Variants in PHLDB2 observed in about 807,000 individuals in gnomAD.
PHLDB2 encodes the protein pleckstrin homology-like domain family B member 2.
Under a neutral mutation model 123.6 loss-of-function variants are expected in PHLDB2, and 71 were observed. The observed-to-expected ratio is 0.57, with a 90% CI of 0.47 to 0.70. PHLDB2 has a LOEUF of 0.70. PHLDB2 is among the 30% of genes least tolerant of loss of function. The probability of loss-of-function intolerance (pLI) is 0.00; values close to 1 mark genes in which losing one functional copy is unlikely to be tolerated. For missense variants in PHLDB2, 1,446 were observed against 1,519.5 expected, an observed-to-expected ratio of 0.95 and a Z score of 0.80; for synonymous variants, 547 against 541.6, an observed-to-expected ratio of 1.01 and a Z score of -0.14.
intron 12 of PHLDB2, chr3:111,960,100 T>C: frequency 1.4e-6 from 1 of 698,080 alleles, no homozygotes; most frequent in Non-Finnish European, 1.8e-6. Flanking sequence ...ATTTCTGTTG[T>C]TTTTTTGTCA....
In PHLDB2 at chr3:111,884,518, C is replaced by G. The variant is rs115073877; in HGVS notation, c.441C>G (p.Pro147=). 5.6e-4 allele frequency: 910 copies of G among 1,614,182 alleles called. 8 individuals are homozygous for G. In the African/African-American group the frequency reaches 0.01, roughly 18 times the overall value. The stretch of plus-strand genomic sequence containing the variant: ...CCTTGAGGCTCTCAGAGAAGCCTCC[C>G]TATTCCAAATATAGCTCAAGGCATA... ...ERALRLSEKP[P]YSKYSSRHKS... Residue 147 remains proline (P), a synonymous_variant, in exon 2 of 18, where the codon CCC becomes CCG. Transcript: ENST00000431670.
chr3:111,746,883 C>G (rs1053530232), intron 1 of PHLDB2, among the ~76,000 whole-genome samples: 1 of 152,052 alleles, frequency 6.6e-6, no homozygotes, highest in African/African-American at 2.4e-5. Context: ...AAAAAAGTAA[C>G]CTACAAGAAG....
intron 1 of PHLDB2, among the ~76,000 whole-genome samples, chr3:111,823,734 C>A (rs2062516694): frequency 6.6e-6 from 1 of 152,118 alleles, no homozygotes; most frequent in African/African-American, 2.4e-5. Flanking sequence ...ATAACTTGGT[C>A]ATTATATAAT....
At chr3:111,775,435 G>A (rs2060252029) in intron 1 of PHLDB2, among the ~76,000 whole-genome samples, 1 of 152,154 alleles carries the variant, frequency 6.6e-6, no homozygotes, top group Non-Finnish European at 1.5e-5. Flanking sequence ...AAGAGTGGGA[G>A]GATGCAGAGC....
In PHLDB2 at chr3:111,885,164, A is replaced by G. The variant is rs1559885736; in HGVS notation, c.1087A>G (p.Asn363Asp). ...DFDQASYVGT[N>D]PSHSLLAGES... ...TGATCAGGCTTCATATGTGGGGACA[A>G]ACCCGAGTCATTCACTTCTTGCTGG... is the stretch of plus-strand genomic sequence containing the variant. The change falls in exon 2 of 18, where the codon AAC becomes GAC. Residue 363 changes from asparagine to aspartate, a missense_variant. Asn to Asp is a conservative substitution (Grantham distance 23, BLOSUM62 1). Transcript: ENST00000431670. The G allele has an allele frequency of 6.2e-7, 1 of 1,614,118 alleles. No homozygotes were observed. Among genetic ancestry groups the G allele is most frequent in the Non-Finnish European group, 8.5e-7 (1 of 1,180,016 alleles).
intron 1 of PHLDB2, chr3:111,779,836 C>T (rs1162815446): frequency 2.0e-6 from 2 of 983,412 alleles, no homozygotes; most frequent in Admixed American, 6.2e-5. Context: ...CTACACAGGT[C>T]TCTGGCCATC....
intron 1 of PHLDB2, among the ~76,000 whole-genome samples, chr3:111,770,491 C>T (rs1313337893): frequency 6.6e-6 from 1 of 152,288 alleles, no homozygotes; most frequent in African/African-American, 2.4e-5. Context: ...TCCCCAGACA[C>T]AACAATTCTC....
At chr3:111,942,442 C>T (rs1015923647) in intron 8 of PHLDB2, among the ~76,000 whole-genome samples, 13 of 152,174 alleles carry the variant, frequency 8.5e-5, no homozygotes, top group Admixed American at 7.9e-4. Context: ...GGCACTTTTG[C>T]AGTCATTCAC....
chr3:111,889,038 T>C (rs950530060), intron 2 of PHLDB2, among the ~76,000 whole-genome samples: 2 of 152,172 alleles, frequency 1.3e-5, no homozygotes, highest in African/African-American at 4.8e-5. Context: ...ACTGATAATG[T>C]GAAAAGGTTT....
intron 1 of PHLDB2, among the ~76,000 whole-genome samples, chr3:111,781,641 C>T (rs2060480992): frequency 6.6e-6 from 1 of 152,116 alleles, no homozygotes; most frequent in Non-Finnish European, 1.5e-5. Flanking sequence ...CAAGAACAGG[C>T]TCACATAGAT....
chr3:111,864,565 T>A (rs2064978787), intron 1 of PHLDB2, among the ~76,000 whole-genome samples: 1 of 152,212 alleles, frequency 6.6e-6, no homozygotes, highest in African/African-American at 2.4e-5. Flanking sequence ...GGCAAGATAG[T>A]TGTCTATAGC....
At chr3:111,945,223 A>G in intron 8 of PHLDB2, 45 bp from the exon 9 acceptor site, 1 of 1,310,500 alleles carries the variant, frequency 7.6e-7, no homozygotes, top group Non-Finnish European at 1.1e-6. Context: ...TCTCAGTTGC[A>G]TCGAAGGTTG....
At chr3:111,869,643 C>T (rs2065246859) in intron 1 of PHLDB2, among the ~76,000 whole-genome samples, 1 of 152,088 alleles carries the variant, frequency 6.6e-6, no homozygotes, top group Non-Finnish European at 1.5e-5. Flanking sequence ...CATTAGCAGT[C>T]ACAAAAAGCC....
intron 1 of PHLDB2, among the ~76,000 whole-genome samples, chr3:111,880,199 C>T (rs1467949344): frequency 6.6e-6 from 1 of 152,028 alleles, no homozygotes; most frequent in Non-Finnish European, 1.5e-5. Context: ...TTATGCTTTT[C>T]TCCCTATCAG....
At chr3:111,951,546 C>A (rs2070719130) in intron 10 of PHLDB2, among the ~76,000 whole-genome samples, 2 of 151,946 alleles carry the variant, frequency 1.3e-5, no homozygotes, top group South Asian at 4.1e-4. Flanking sequence ...AAAATGACTT[C>A]AAAATGATCA....
At chr3:111,951,599 A>G (rs2070723552) in intron 10 of PHLDB2, among the ~76,000 whole-genome samples, 1 of 152,090 alleles carries the variant, frequency 6.6e-6, no homozygotes, top group South Asian at 2.1e-4. Context: ...TACTATATAT[A>G]TTTATGTTTT....
chr3:111,940,728 T>G (rs1025018321), intron 8 of PHLDB2, 83 bp downstream of exon 8: 2 of 634,692 alleles, frequency 3.2e-6, no homozygotes, highest in Admixed American at 7.1e-5. Flanking sequence ...AGTAAACACC[T>G]TTTAATAGTG....
intron 2 of PHLDB2, chr3:111,845,959 T>G: frequency 1.2e-5 from 19 of 1,604,182 alleles, no homozygotes; most frequent in Non-Finnish European, 1.5e-5. Context: ...TGTCAGAGGT[T>G]TTCAGTACAT....
At chr3:111,832,661 AAT>A (rs1444188368) in intron 1 of PHLDB2, among the ~76,000 whole-genome samples, 1 of 115,550 alleles carries the variant, frequency 8.7e-6, no homozygotes, top group Admixed American at 9.8e-5. Context: ...TTATACATAT[AAT>A]ATATATAATA....
Sources: allele counts gnomAD v4.1 joint callset (sites outside exome capture counted in the v4.1 genomes callset), GRCh38; gene constraint gnomAD v4.1.1; transcripts MANE v1.5; gene names NCBI Gene and HGNC (gene_info 2026-07-23, HGNC 2026-07-21).